AKR1C8: variants seen among roughly 807,000 people sequenced by gnomAD.
AKR1C8 encodes the protein aldo-keto reductase family 1 member C8.
At chr10:5,132,839 ACC>A in the AKR1C8 span, 1 of 634,262 alleles carries the variant, frequency 1.6e-6, no homozygotes, top group Non-Finnish European at 2.6e-6. Context: ...ACAAACAATG[ACC>A]CTCACAAAAA....
chr10:5,137,924 A>C, the AKR1C8 span, among the ~76,000 whole-genome samples: 5 of 152,156 alleles, frequency 3.3e-5, no homozygotes, highest in African/African-American at 9.7e-5. Flanking sequence ...TTCAAAGGGC[A>C]AAAAGCAGAA....
chr10:5,122,539 C>T, the AKR1C8 span, among the ~76,000 whole-genome samples: 9 of 152,282 alleles, frequency 5.9e-5, no homozygotes, highest in East Asian at 9.7e-4. Flanking sequence ...CCCACTTCCC[C>T]GGGAACTTGA....
At chr10:5,151,101 T>TG in the AKR1C8 span, among the ~76,000 whole-genome samples, 1 of 152,058 alleles carries the variant, frequency 6.6e-6, no homozygotes, top group South Asian at 2.1e-4. Flanking sequence ...AGTCAGTTCA[T>TG]GGGTGGGGGG....
chr10:5,130,676 G>C, the AKR1C8 span, among the ~76,000 whole-genome samples: 5 of 151,732 alleles, frequency 3.3e-5, no homozygotes, highest in African/African-American at 1.2e-4. Flanking sequence ...CTTTACAACA[G>C]CTGTAAATAA....
At chr10:5,175,456 A>G in the AKR1C8 span, among the ~76,000 whole-genome samples, 2 of 152,160 alleles carry the variant, frequency 1.3e-5, no homozygotes, top group African/African-American at 2.4e-5. Flanking sequence ...GTGTCTTTAT[A>G]GCAGCATGAT....
chr10:5,180,271 A>T, the AKR1C8 span, among the ~76,000 whole-genome samples: 1 of 152,228 alleles, frequency 6.6e-6, no homozygotes, highest in Non-Finnish European at 1.5e-5. Flanking sequence ...TATCCGCAGC[A>T]GAGATTGCAG....
At chr10:5,177,152 A>G in the AKR1C8 span, among the ~76,000 whole-genome samples, 2 of 152,172 alleles carry the variant, frequency 1.3e-5, no homozygotes, top group Non-Finnish European at 2.9e-5. Flanking sequence ...GATGCATCCC[A>G]TCAATACCTG....
chr10:5,122,779 C>T, the AKR1C8 span, among the ~76,000 whole-genome samples: 4 of 152,116 alleles, frequency 2.6e-5, no homozygotes, highest in African/African-American at 7.2e-5. Context: ...TCAGGAAATG[C>T]TTTTTCTGGG....
the AKR1C8 span, chr10:5,155,228 C>T: frequency 1.3e-5 from 2 of 152,174 alleles, no homozygotes; most frequent in Non-Finnish European, 2.9e-5. Flanking sequence ...ATTGTGTTTC[C>T]ATTGCCATGA....
At chr10:5,126,978 G>A in the AKR1C8 span, among the ~76,000 whole-genome samples, 59,329 of 151,628 alleles carry the variant, frequency 0.39, 12,345 homozygotes, top group Non-Finnish European at 0.43. Context: ...AGTAGAAGAA[G>A]TAGTCTATCA....
At chr10:5,142,100 A>G in the AKR1C8 span, among the ~76,000 whole-genome samples, 95 of 152,090 alleles carry the variant, frequency 6.2e-4, no homozygotes, top group Middle Eastern at 3.4e-3. Flanking sequence ...TACTTGCTTT[A>G]TTTTGCACTT....
At chr10:5,154,309 A>T in the AKR1C8 span, 1 of 393,394 alleles carries the variant, frequency 2.5e-6, no homozygotes, top group Non-Finnish European at 5.3e-6. Flanking sequence ...ACCTCGGCAC[A>T]CATGGTTTAA....
the AKR1C8 span, among the ~76,000 whole-genome samples, chr10:5,172,692 G>C: frequency 6.6e-6 from 1 of 152,068 alleles, no homozygotes; most frequent in African/African-American, 2.4e-5. Flanking sequence ...CAACTCTTAA[G>C]ACATTTCTAA....
chr10:5,168,364 T>A, the AKR1C8 span, among the ~76,000 whole-genome samples: 1 of 151,992 alleles, frequency 6.6e-6, no homozygotes, highest in Non-Finnish European at 1.5e-5. Context: ...TTGTTCCCAT[T>A]TTCCAGAGCC....
At chr10:5,123,300 C>T in the AKR1C8 span, 1 of 250,944 alleles carries the variant, frequency 4.0e-6, no homozygotes, top group East Asian at 1.0e-4. Context: ...ATCTGCTGTT[C>T]ATTGGAGCTC....
the AKR1C8 span, among the ~76,000 whole-genome samples, chr10:5,130,299 C>A: frequency 6.6e-6 from 1 of 151,932 alleles, no homozygotes; most frequent in Non-Finnish European, 1.5e-5. Context: ...ATATGACAAA[C>A]CCAAAGCCAA....
At chr10:5,155,688 C>A in the AKR1C8 span, 10 of 472,364 alleles carry the variant, frequency 2.1e-5, no homozygotes, top group South Asian at 1.6e-4. Context: ...TGTAACTTGT[C>A]ATATCGGAGA....
the AKR1C8 span, among the ~76,000 whole-genome samples, chr10:5,150,737 A>C: frequency 6.6e-6 from 1 of 152,088 alleles, no homozygotes; most frequent in Non-Finnish European, 1.5e-5. Flanking sequence ...CCACATAATA[A>C]TGCAAAGATT....
At chr10:5,133,062 C>G in the AKR1C8 span, among the ~76,000 whole-genome samples, 1 of 152,050 alleles carries the variant, frequency 6.6e-6, no homozygotes, top group Non-Finnish European at 1.5e-5. Context: ...ACTCAAATTA[C>G]AGTTATAAAT....
Sources: gnomAD v4.1 joint callset for allele counts (sites outside exome capture counted in the v4.1 genomes callset) on GRCh38, gnomAD v4.1.1 for gene constraint, MANE v1.5 for transcripts, NCBI Gene and HGNC (gene_info 2026-07-23, HGNC 2026-07-21) for gene names.